Variants in NINL observed in about 807,000 individuals in gnomAD.
The protein encoded by NINL is ninein-like protein.
Under a neutral mutation model 160.3 loss-of-function variants are expected in NINL, and 153 were observed. The observed-to-expected ratio is 0.95, with a 90% CI of 0.84 to 1.09. The LOEUF (loss-of-function observed/expected upper bound fraction) is 1.09, where lower values mean the gene tolerates loss of function less well. NINL is among the 50% of genes least tolerant of loss of function. The probability of loss-of-function intolerance (pLI) is 0.00; values close to 1 mark genes in which losing one functional copy is unlikely to be tolerated. For missense variants in NINL, 1,829 were observed against 1,764.0 expected (o/e 1.04, Z -0.66); for synonymous variants, 800 against 734.8 (o/e 1.09, Z -1.43).
intron 2 of NINL, among the ~76,000 whole-genome samples, chr20:25,521,454 T>G (rs573112305): frequency 6.6e-6 from 1 of 152,252 alleles, no homozygotes; most frequent in Non-Finnish European, 1.5e-5. Flanking sequence ...TTCTGCTAGT[T>G]CTTGCTCATC....
At chr20:25,472,593 A>C (rs1187982445) in intron 17 of NINL, among the ~76,000 whole-genome samples, 1 of 148,792 alleles carries the variant, frequency 6.7e-6, no homozygotes, top group Non-Finnish European at 1.5e-5. Flanking sequence ...GCAGTGGTGC[A>C]ATCTCAGCTC....
chr20:25,539,542 G>GT (rs1206993256), intron 1 of NINL, among the ~76,000 whole-genome samples: 4 of 152,200 alleles, frequency 2.6e-5, no homozygotes, highest in African/African-American at 9.6e-5. Flanking sequence ...ACTACACGCT[G>GT]TAATACTGCC....
intron 1 of NINL, among the ~76,000 whole-genome samples, chr20:25,550,758 G>A (rs993711619): frequency 3.9e-5 from 6 of 152,144 alleles, no homozygotes; most frequent in East Asian, 1.9e-4. Flanking sequence ...GCCATAAGGC[G>A]GTTTTTTCCT....
chr20:25,510,825 T>G, intron 4 of NINL, 85 bp from the exon 5 acceptor site: 1 of 1,041,638 alleles, frequency 9.6e-7, no homozygotes, highest in African/African-American at 1.6e-5. Context: ...AGCAGGATGT[T>G]TGGGGAAGTG....
At position 25,529,017 on chromosome 20, in the gene NINL, A is replaced by T. The variant is rs182203922; in HGVS notation, c.-11-2419T>A. On this transcript the variant is annotated intron_variant, in intron 1 of 23. Coordinates refer to ENST00000278886, the MANE Select transcript of NINL (RefSeq NM_025176.6). Reference sequence around the variant, plus strand: ...GTACGGAAGTTGGAGTCAGAAAAAGAATGTATGAGGAGTTGAAAATCTGTT... The same window carrying T: ...GTACGGAAGTTGGAGTCAGAAAAAGTATGTATGAGGAGTTGAAAATCTGTT... Among the ~76,000 whole-genome samples, 501 of 152,312 alleles carry T rather than the reference A, an allele frequency of 3.3e-3. 5 individuals are homozygous for T. The highest frequency in any genetic ancestry group is 6.8e-3 in the Middle Eastern group (2 of 294).
intron 4 of NINL, among the ~76,000 whole-genome samples, chr20:25,512,224 T>G (rs1247388514): frequency 3.9e-5 from 6 of 152,158 alleles, no homozygotes; most frequent in African/African-American, 1.2e-4. Flanking sequence ...GTGCTGGGCC[T>G]CAGTATAACT....
intron 4 of NINL, among the ~76,000 whole-genome samples, chr20:25,511,877 T>G (rs1274362684): frequency 6.6e-6 from 1 of 152,218 alleles, no homozygotes; most frequent in Non-Finnish European, 1.5e-5. Flanking sequence ...CAAGTCCACC[T>G]GGGGGCCCGA....
intron 1 of NINL, among the ~76,000 whole-genome samples, chr20:25,582,184 G>A (rs546788117): frequency 1.8e-3 from 268 of 152,338 alleles, no homozygotes; most frequent in Middle Eastern, 6.8e-3. Flanking sequence ...GAACCTGGGA[G>A]GTGGAGGTAG....
At chr20:25,543,884 T>G (rs2064700377) in intron 1 of NINL, among the ~76,000 whole-genome samples, 1 of 151,892 alleles carries the variant, frequency 6.6e-6, no homozygotes, top group African/African-American at 2.4e-5. Context: ...CAGGAGAAGA[T>G]TCTACATGCA....
At chr20:25,490,018 C>A (rs1466871298) in intron 11 of NINL, 33 bp from the exon 12 acceptor site, 1 of 1,578,134 alleles carries the variant, frequency 6.3e-7, no homozygotes, top group East Asian at 2.2e-5. Context: ...TCATCAGGCT[C>A]CTGCAGGACG....
chr20:25,490,143 C>T (rs961541619), intron 11 of NINL, among the ~76,000 whole-genome samples, 158 bp from the exon 12 acceptor site: 2 of 152,212 alleles, frequency 1.3e-5, no homozygotes, highest in Non-Finnish European at 2.9e-5. Flanking sequence ...GCGGCTGTGC[C>T]GGGGATGTCC....
Position 25,549,213 on chromosome 20 carries a change from C to T in NINL, c.-11-22615G>A, listed in dbSNP as rs1372988572. On this transcript the variant is annotated intron_variant, in intron 1 of 23. Coordinates refer to ENST00000278886, the MANE Select transcript of NINL (RefSeq NM_025176.6). ...ACCCAGCCTCACCCAGGCCTGACCC[C>T]GGCACCCACGGCCAAACCTCCCACA... Among the ~76,000 whole-genome samples, 549 of 140,242 alleles carry T rather than the reference C, an allele frequency of 3.9e-3. 8 individuals carry two copies. Among genetic ancestry groups the T allele is most frequent in the African/African-American group, 0.013 (482 of 36,292 alleles). The allele number at this position is 140,242 out of a possible 152,430, so 92.0% of individuals were successfully genotyped here.
chr20:25,476,125 C>T lies in NINL; in HGVS notation c.3166G>A (p.Asp1056Asn), dbSNP rs371466358. The change falls in exon 17 of 24, where the codon GAT becomes AAT. Residue 1056 changes from aspartate to asparagine, a missense_variant. Coordinates refer to ENST00000278886, the MANE Select transcript of NINL (RefSeq NM_025176.6). ...ETKIALEREK[D>N]DMETKLLHLE... ...TGTAGAAGTTTGGTTTCCATGTCAT[C>T]CTTCTCTCTCTCCAGCGCTATTTTG... 1.2e-6 allele frequency: 2 copies of T among 1,610,284 alleles called. No individual in the cohort carries two copies. The highest frequency in any genetic ancestry group is 1.3e-5 in the African/African-American group (1 of 74,840).
intron 1 of NINL, among the ~76,000 whole-genome samples, chr20:25,542,294 GGTCACTGGCTGA>G (rs2064674830): frequency 1.3e-5 from 2 of 152,278 alleles, no homozygotes; most frequent in South Asian, 4.1e-4. Context: ...AACTTTGTCA[GGTCACTGGCTGA>G]CTGTGAAGAA....
At chr20:25,528,164 G>C (rs1347593548) in intron 1 of NINL, among the ~76,000 whole-genome samples, 1 of 151,980 alleles carries the variant, frequency 6.6e-6, no homozygotes, top group Admixed American at 6.6e-5. Flanking sequence ...CAAGTAGCTG[G>C]GACTATGGAT....
chr20:25,554,629 AAAAAAAC>A (rs556376379), intron 1 of NINL, among the ~76,000 whole-genome samples: 28,172 of 70,658 alleles, frequency 0.4, 2,963 homozygotes, highest in East Asian at 0.76. Flanking sequence ...TTTACCAAAA[AAAAAAAC>A]AAAAAAAAAA....
intron 1 of NINL, among the ~76,000 whole-genome samples, chr20:25,566,868 T>C (rs982117170): frequency 6.6e-6 from 1 of 152,042 alleles, no homozygotes; most frequent in Non-Finnish European, 1.5e-5. Flanking sequence ...AAATGAAGAA[T>C]GCTGGCTGGG....
At chr20:25,537,754 G>C (rs1464721368) in intron 1 of NINL, among the ~76,000 whole-genome samples, 3 of 152,126 alleles carry the variant, frequency 2.0e-5, no homozygotes, top group Non-Finnish European at 4.4e-5. Context: ...AACGAGCTTC[G>C]TGCCTTCACT....
rs2063227745 is a variant in NINL, at chr20:25,476,133, C to G, written c.3158G>C (p.Arg1053Thr). 6.2e-7 allele frequency: 1 copy of G among 1,614,226 alleles called. No individual in the cohort carries two copies. The highest frequency in any genetic ancestry group is 1.7e-5 in the Admixed American group (1 of 60,038). The change falls in exon 17 of 24, where the codon AGA becomes ACA. Residue 1053 changes from arginine (R) to threonine (T), a missense_variant. By Grantham distance (71) the Arg-to-Thr change is moderately conservative. Coordinates refer to ENST00000278886, the MANE Select transcript of NINL (RefSeq NM_025176.6). Reference sequence around the variant, plus strand: ...TTTGGTTTCCATGTCATCCTTCTCTCTCTCCAGCGCTATTTTGGTCTCCCC... The same window carrying G: ...TTTGGTTTCCATGTCATCCTTCTCTGTCTCCAGCGCTATTTTGGTCTCCCC... Reference protein sequence around the residue: ...EEGETKIALEREKDDMETKLL... With the variant: ...EEGETKIALETEKDDMETKLL...
Sources: allele counts gnomAD v4.1 joint callset (sites outside exome capture counted in the v4.1 genomes callset), GRCh38; gene constraint gnomAD v4.1.1; transcripts MANE v1.5; gene names NCBI Gene and HGNC (gene_info 2026-07-23, HGNC 2026-07-21).